The following CNTN5 variants were observed in gnomAD, a reference collection of about 807,000 sequenced individuals.
CNTN5 encodes the protein contactin-5.
CNTN5 carries 77 observed loss-of-function variants against 129.1 expected under a neutral mutation model. The ratio of observed to expected loss-of-function variants is 0.60; its 90% confidence interval spans 0.50 to 0.72. The LOEUF (loss-of-function observed/expected upper bound fraction) is 0.72. CNTN5 is among the 30% of genes least tolerant of loss of function. CNTN5 has a pLI of 0.00. For missense variants in CNTN5, 1,478 were observed against 1,328.8 expected, an observed-to-expected ratio of 1.11 and a Z score of -1.75; for synonymous variants, 509 against 465.6, an observed-to-expected ratio of 1.09 and a Z score of -1.20.
chr11:100,098,209 G>C (rs999629650), intron 13 of CNTN5, among the ~76,000 whole-genome samples: 9 of 151,452 alleles, frequency 5.9e-5, no homozygotes, highest in African/African-American at 1.9e-4. Context: ...CTATGTATAA[G>C]CAAAAAAAAG....
At chr11:99,025,534 G>A (rs1400684416) in intron 1 of CNTN5, among the ~76,000 whole-genome samples, 4 of 151,708 alleles carry the variant, frequency 2.6e-5, no homozygotes, top group Non-Finnish European at 5.9e-5. Context: ...TGTTTAGGAA[G>A]AGAAATGTTG....
chr11:99,211,839 A>T (rs1859809456), intron 1 of CNTN5, among the ~76,000 whole-genome samples: 1 of 152,082 alleles, frequency 6.6e-6, no homozygotes, highest in African/African-American at 2.4e-5. Context: ...TATCCTTTTT[A>T]AAAAAGTTAT....
intron 7 of CNTN5, among the ~76,000 whole-genome samples, chr11:99,944,429 A>G (rs773103184): frequency 6.6e-6 from 1 of 152,124 alleles, no homozygotes; most frequent in African/African-American, 2.4e-5. Flanking sequence ...AAAAGCTGGA[A>G]GCATTCTCCT....
At chr11:99,594,038 T>C (rs764881023) in intron 3 of CNTN5, among the ~76,000 whole-genome samples, 30 of 152,218 alleles carry the variant, frequency 2.0e-4, no homozygotes, top group Non-Finnish European at 3.5e-4. Flanking sequence ...TGGGATGTTC[T>C]ATGGACATAT....
chr11:99,617,955 G>A (rs1950812580), intron 3 of CNTN5, among the ~76,000 whole-genome samples: 1 of 152,076 alleles, frequency 6.6e-6, no homozygotes. Context: ...TATTTTATCT[G>A]TAATTACAGC....
intron 9 of CNTN5, among the ~76,000 whole-genome samples, chr11:100,019,850 G>A (rs75323253): frequency 2.5e-3 from 374 of 152,000 alleles, no homozygotes; most frequent in Non-Finnish European, 3.9e-3. Context: ...GCCAATACTT[G>A]TTATCTTTTG....
chr11:99,897,086 T>C (rs1161626555), intron 6 of CNTN5, among the ~76,000 whole-genome samples: 2 of 152,236 alleles, frequency 1.3e-5, no homozygotes, highest in East Asian at 3.9e-4. Flanking sequence ...AACTGTTCTT[T>C]TGAACTAGCC....
chr11:100,188,912 G>A (rs898682294), intron 13 of CNTN5, among the ~76,000 whole-genome samples: 1 of 152,098 alleles, frequency 6.6e-6, no homozygotes, highest in Non-Finnish European at 1.5e-5. Context: ...AAATGAACGA[G>A]ATCTTGTCCT....
chr11:99,712,105 A>G (rs1429923144), intron 3 of CNTN5, among the ~76,000 whole-genome samples: 1 of 152,056 alleles, frequency 6.6e-6, no homozygotes, highest in Non-Finnish European at 1.5e-5. Flanking sequence ...CCAACAGTGT[A>G]AAGCGTTCGT....
intron 2 of CNTN5, among the ~76,000 whole-genome samples, chr11:99,423,173 A>G (rs1315823030): frequency 2.0e-5 from 3 of 152,154 alleles, no homozygotes; most frequent in Non-Finnish European, 2.9e-5. Context: ...TGACAGGACT[A>G]TTTGTCACAT....
chr11:100,167,732 A>G (rs1467280535), intron 13 of CNTN5, among the ~76,000 whole-genome samples: 1 of 151,956 alleles, frequency 6.6e-6, no homozygotes, highest in East Asian at 1.9e-4. Context: ...AACTGACTGA[A>G]GAATGGGTGT....
chr11:100,253,614 C>T (rs1238448626), intron 16 of CNTN5, among the ~76,000 whole-genome samples: 1 of 152,090 alleles, frequency 6.6e-6, no homozygotes, highest in African/African-American at 2.4e-5. Flanking sequence ...ACTATTAAAT[C>T]ATTATAATGT....
At chr11:99,266,041 G>A (rs983539489) in intron 1 of CNTN5, among the ~76,000 whole-genome samples, 6 of 152,028 alleles carry the variant, frequency 3.9e-5, no homozygotes, top group African/African-American at 1.4e-4. Context: ...AAGTGATTAA[G>A]TTTGTCAGAG....
intron 2 of CNTN5, among the ~76,000 whole-genome samples, chr11:99,343,078 C>T (rs981783470): frequency 3.9e-5 from 6 of 152,130 alleles, no homozygotes; most frequent in African/African-American, 1.4e-4. Flanking sequence ...GAGGATGCTG[C>T]AGTGTCATTG....
chr11:99,386,618 G>T (rs928866477), intron 2 of CNTN5, among the ~76,000 whole-genome samples: 1 of 152,060 alleles, frequency 6.6e-6, no homozygotes, highest in African/African-American at 2.4e-5. Context: ...CCTGTATCTT[G>T]TGCTGACCTC....
intron 13 of CNTN5, among the ~76,000 whole-genome samples, chr11:100,186,889 T>C (rs1024456173): frequency 1.3e-5 from 2 of 152,146 alleles, no homozygotes; most frequent in African/African-American, 2.4e-5. Flanking sequence ...TAACCAGACA[T>C]TGTAATGTAA....
At chr11:99,223,510 A>G (rs1169950180) in intron 1 of CNTN5, among the ~76,000 whole-genome samples, 1 of 152,134 alleles carries the variant, frequency 6.6e-6, no homozygotes, top group Non-Finnish European at 1.5e-5. Context: ...CTGCGCTTCA[A>G]ATTCACTTAT....
At chr11:99,438,089 A>G (rs554121687) in intron 2 of CNTN5, among the ~76,000 whole-genome samples, 5 of 152,334 alleles carry the variant, frequency 3.3e-5, no homozygotes, top group African/African-American at 1.2e-4. Context: ...ACACATGAGT[A>G]AAGGTTTATT....
chr11:99,236,004 T>A (rs1861240368), intron 1 of CNTN5, among the ~76,000 whole-genome samples: 1 of 152,030 alleles, frequency 6.6e-6, no homozygotes. Context: ...CTACTGAGAG[T>A]TAAAATGGGC....
Sources: allele counts gnomAD v4.1 joint callset (sites outside exome capture counted in the v4.1 genomes callset), GRCh38; gene constraint gnomAD v4.1.1; transcripts MANE v1.5; gene names NCBI Gene and HGNC (gene_info 2026-07-23, HGNC 2026-07-21).